Variants in TCF4 observed in about 807,000 individuals in gnomAD.
TCF4 encodes the protein transcription factor 4, also known as SL3-3 enhancer factor 2.
TCF4 carries 3 observed loss-of-function variants against 82.1 expected under a neutral mutation model. That is an observed-to-expected ratio of 0.04 (90% CI 0.02 to 0.09). The LOEUF (loss-of-function observed/expected upper bound fraction) is 0.09. TCF4 is among the 10% of genes least tolerant of loss of function. The pLI, the probability that TCF4 is intolerant of heterozygous loss-of-function variation, is 1.00. For synonymous variants in TCF4, 276 were observed against 309.6 expected (o/e 0.89, Z 1.14); for missense variants, 518 against 852.7 (o/e 0.61, Z 4.89).
intron 3 of TCF4, among the ~76,000 whole-genome samples, chr18:55,549,997 A>G (rs1283705571): frequency 6.6e-6 from 1 of 152,232 alleles, no homozygotes; most frequent in Non-Finnish European, 1.5e-5. Context: ...AACTGTGGAT[A>G]TATCTCCTGG....
At chr18:55,608,473 T>C (rs2097704226) in intron 2 of TCF4, among the ~76,000 whole-genome samples, 1 of 151,338 alleles carries the variant, frequency 6.6e-6, no homozygotes, top group Admixed American at 6.7e-5. Context: ...AGGAAGGCAT[T>C]GAGTTAAATA....
chr18:55,336,590 C>T (rs1413462632), intron 8 of TCF4, among the ~76,000 whole-genome samples: 1 of 151,978 alleles, frequency 6.6e-6, no homozygotes, highest in Non-Finnish European at 1.5e-5. Flanking sequence ...AAGAAAGAAG[C>T]TACCATTTGA....
At chr18:55,629,420 A>G (rs1238666377) in intron 2 of TCF4, among the ~76,000 whole-genome samples, 1 of 152,198 alleles carries the variant, frequency 6.6e-6, no homozygotes, top group Non-Finnish European at 1.5e-5. Context: ...ATGCTCCAAC[A>G]AGCCTAAAAA....
chr18:55,447,500 C>T (rs993679015), intron 5 of TCF4, among the ~76,000 whole-genome samples: 15 of 152,140 alleles, frequency 9.9e-5, no homozygotes, highest in African/African-American at 1.4e-4. Flanking sequence ...TAGTACCTAA[C>T]ATAGGGCTTG....
chr18:55,508,275 A>C lies in TCF4; in HGVS notation c.146-44138T>G, dbSNP rs1603617532. ...GCTGCTTTAAATTGATCTATAACCT[A>C]CTCCAGGTCTACCCGCCCTTTCTTT... On this transcript the variant is annotated intron_variant, in intron 3 of 19. Transcript: ENST00000354452. 2.6e-5 allele frequency among the ~76,000 whole-genome samples: 4 copies of C among 151,672 alleles called. No individual in the cohort carries two copies. The South Asian group carries it at 8.3e-4, about 32-fold the overall frequency.
chr18:55,379,812 G>C (rs937491522), intron 6 of TCF4, among the ~76,000 whole-genome samples: 1 of 152,122 alleles, frequency 6.6e-6, no homozygotes, highest in Admixed American at 6.5e-5. Flanking sequence ...ACTTCTAACA[G>C]TTCCGGAGGC....
At chr18:55,284,092 G>A (rs2063173827) in intron 8 of TCF4, among the ~76,000 whole-genome samples, 1 of 152,106 alleles carries the variant, frequency 6.6e-6, no homozygotes, top group African/African-American at 2.4e-5. Flanking sequence ...AAATACTCTT[G>A]TGGCATCTGA....
chr18:55,365,886 C>A (rs1007033617), intron 6 of TCF4, among the ~76,000 whole-genome samples: 1 of 151,872 alleles, frequency 6.6e-6, no homozygotes, highest in African/African-American at 2.4e-5. Context: ...GAGCAAAACT[C>A]CATCCCAAAA....
intron 6 of TCF4, among the ~76,000 whole-genome samples, chr18:55,380,016 G>C (rs2091603522): frequency 6.6e-6 from 1 of 152,138 alleles, no homozygotes; most frequent in African/African-American, 2.4e-5. Flanking sequence ...TAGGACTACA[G>C]AGGTATGTGT....
chr18:55,442,892 C>A (rs1449423106), intron 5 of TCF4, among the ~76,000 whole-genome samples: 1 of 152,176 alleles, frequency 6.6e-6, no homozygotes, highest in Admixed American at 6.5e-5. Context: ...AGGTTGTAAC[C>A]AGCCCAGAGT....
chr18:55,495,128 C>A (rs1603594841), intron 3 of TCF4, among the ~76,000 whole-genome samples: 1 of 151,988 alleles, frequency 6.6e-6, no homozygotes. Context: ...AATTCACAAC[C>A]TGTTTGATTC....
chr18:55,382,893 C>G (rs556612856), intron 6 of TCF4, among the ~76,000 whole-genome samples: 1 of 152,320 alleles, frequency 6.6e-6, no homozygotes, highest in East Asian at 1.9e-4. Flanking sequence ...TTACAAAACC[C>G]TGAAGCTAGA....
chr18:55,611,937 T>C (rs1285448590), intron 2 of TCF4, among the ~76,000 whole-genome samples: 1 of 151,964 alleles, frequency 6.6e-6, no homozygotes, highest in Non-Finnish European at 1.5e-5. Context: ...CCCAGCTCAT[T>C]TTTTTGTATT....
At chr18:55,590,219 G>A (rs1278355779), upstream of TCF4, among the ~76,000 whole-genome samples, 4 of 152,206 alleles carry the variant, frequency 2.6e-5, no homozygotes, top group Admixed American at 2.0e-4. Context: ...CTCACAGTAA[G>A]CCTGACCCTG....
chr18:55,560,061 ATAATATATATT>A (rs2097341720), intron 3 of TCF4, among the ~76,000 whole-genome samples: 1 of 152,210 alleles, frequency 6.6e-6, no homozygotes, highest in Non-Finnish European at 1.5e-5. Context: ...AAAGCACATA[ATAATATATATT>A]CATTAGTTAA....
At chr18:55,529,609 G>A (rs2097034689) in intron 3 of TCF4, among the ~76,000 whole-genome samples, 4 of 152,056 alleles carry the variant, frequency 2.6e-5, no homozygotes, top group Admixed American at 2.6e-4. Context: ...CAGTTTTCAA[G>A]GCAATCTTAC....
chr18:55,460,966 A>G, intron 5 of TCF4, 53 bp downstream of exon 5: 1 of 1,491,294 alleles, frequency 6.7e-7, no homozygotes, highest in South Asian at 1.2e-5. Context: ...TTTACCTTCT[A>G]TAGTAAAACT....
intron 5 of TCF4, among the ~76,000 whole-genome samples, chr18:55,457,119 C>T (rs1183087086): frequency 6.6e-6 from 1 of 152,186 alleles, no homozygotes; most frequent in Non-Finnish European, 1.5e-5. Context: ...TCAGTACTGA[C>T]ATCTCTCAAC....
chr18:55,227,990 A>G lies in TCF4; in HGVS notation c.*45T>C. The G allele has an allele frequency of 1.9e-6, 1 of 520,620 alleles. No individual in the cohort carries two copies. The highest frequency in any genetic ancestry group is 3.2e-5 in the Admixed American group (1 of 31,334). 32.3% of individuals were successfully genotyped at this position (520,620 alleles called of 1,614,324 possible). On this transcript the variant is annotated 3_prime_UTR_variant, in exon 20 of 20. Coordinates refer to ENST00000354452, the MANE Select transcript of TCF4 (RefSeq NM_001083962.2). The stretch of plus-strand genomic sequence containing the variant: ...TTTAAGATAATACAGCTGTTAAGGA[A>G]GTGGTCTCTTGTTTTAATGAAGCAA...
Sources: gnomAD v4.1 joint callset for allele counts (sites outside exome capture counted in the v4.1 genomes callset) on GRCh38, gnomAD v4.1.1 for gene constraint, MANE v1.5 for transcripts, NCBI Gene and HGNC (gene_info 2026-07-23, HGNC 2026-07-21) for gene names.